The following ASIC2 variants were observed in gnomAD, a reference collection of about 807,000 sequenced individuals.
ASIC2 encodes acid-sensing ion channel 2.
In ASIC2, 25 loss-of-function variants were observed where a neutral mutation model predicts 57.3. That is an observed-to-expected ratio of 0.44 (90% CI 0.32 to 0.61). The LOEUF (loss-of-function observed/expected upper bound fraction) is 0.61. ASIC2 is among the 20% of genes least tolerant of loss of function. ASIC2 has a pLI of 0.06. For synonymous variants in ASIC2, 319 were observed against 307.5 expected (o/e 1.04, Z -0.39); for missense variants, 641 against 738.1 (o/e 0.87, Z 1.52).
chr17:33,833,598 T>C (rs1913183190), intron 1 of ASIC2, among the ~76,000 whole-genome samples: 1 of 152,084 alleles, frequency 6.6e-6, no homozygotes, highest in African/African-American at 2.4e-5. Context: ...AGGAATTGTG[T>C]ATCCCCCATC....
intron 1 of ASIC2, among the ~76,000 whole-genome samples, chr17:33,911,340 T>A (rs1237943586): frequency 4.6e-5 from 7 of 152,086 alleles, no homozygotes; most frequent in Admixed American, 4.6e-4. Flanking sequence ...ATGTCCAAGC[T>A]CAGGATGGGC....
chr17:33,541,445 T>C (rs1461982799), intron 1 of ASIC2: 1 of 152,132 alleles, frequency 6.6e-6, no homozygotes, highest in Non-Finnish European at 1.5e-5. Context: ...TGCTATATTA[T>C]AGCATCCAAA....
At chr17:33,599,633 G>C (rs1243126255) in intron 1 of ASIC2, among the ~76,000 whole-genome samples, 1 of 152,202 alleles carries the variant, frequency 6.6e-6, no homozygotes, top group East Asian at 1.9e-4. Flanking sequence ...GATGTGTAAA[G>C]TGAGGGACTG....
At chr17:33,678,053 C>CTATTTTTAAAAAAAAAAAA in intron 1 of ASIC2, among the ~76,000 whole-genome samples, 1 of 152,106 alleles carries the variant, frequency 6.6e-6, no homozygotes, top group Non-Finnish European at 1.5e-5. Context: ...TAAAAATTGC[C>CTATTTTTAAAAAAAAAAAA]ACAGTCCCCC....
intron 3 of ASIC2, among the ~76,000 whole-genome samples, chr17:33,042,326 CAA>C (rs1356904411): frequency 1.3e-5 from 2 of 152,126 alleles, no homozygotes; most frequent in Non-Finnish European, 2.9e-5. Context: ...CAAGAATAAG[CAA>C]AAGTCACTGT....
chr17:34,021,733 T>C (rs1004283147), intron 1 of ASIC2, among the ~76,000 whole-genome samples: 5 of 152,138 alleles, frequency 3.3e-5, no homozygotes, highest in Non-Finnish European at 5.9e-5. Context: ...CATAGGGACA[T>C]CTTAAAAATA....
intron 1 of ASIC2, among the ~76,000 whole-genome samples, chr17:33,869,868 C>T (rs1013775408): frequency 6.6e-6 from 1 of 152,200 alleles, no homozygotes; most frequent in Non-Finnish European, 1.5e-5. Context: ...GCACTGTGCA[C>T]TTTAAATGAG....
At chr17:33,651,332 G>A (rs779161987) in intron 1 of ASIC2, among the ~76,000 whole-genome samples, 10 of 152,140 alleles carry the variant, frequency 6.6e-5, no homozygotes, top group Non-Finnish European at 1.3e-4. Context: ...ATTCTGCAAC[G>A]TCTTGTGAGT....
intron 1 of ASIC2, among the ~76,000 whole-genome samples, chr17:33,892,468 T>A (rs12939307): frequency 2.2e-3 from 329 of 152,204 alleles, no homozygotes; most frequent in African/African-American, 7.6e-3. Context: ...AACCTCCTCA[T>A]CAGCTTTCAA....
At chr17:33,021,035 TG>T (rs1050967429) in intron 7 of ASIC2, among the ~76,000 whole-genome samples, 183 bp downstream of exon 7, 1 of 152,136 alleles carries the variant, frequency 6.6e-6, no homozygotes, top group Non-Finnish European at 1.5e-5. Flanking sequence ...ACCCCACTGC[TG>T]GGGTTCTTTC....
At chr17:33,741,480 C>T (rs920682523) in intron 1 of ASIC2, among the ~76,000 whole-genome samples, 1 of 152,128 alleles carries the variant, frequency 6.6e-6, no homozygotes, top group Non-Finnish European at 1.5e-5. Context: ...GGGCCTCTTC[C>T]CTGCTGGACT....
chr17:33,215,381 A>C (rs1457067979), intron 1 of ASIC2, among the ~76,000 whole-genome samples: 1 of 152,234 alleles, frequency 6.6e-6, no homozygotes, highest in South Asian at 2.1e-4. Context: ...CAGGATAAAG[A>C]AGTAGTAGAA....
chr17:33,806,447 C>A (rs367894671), intron 1 of ASIC2, among the ~76,000 whole-genome samples: 2 of 152,230 alleles, frequency 1.3e-5, no homozygotes, highest in South Asian at 4.1e-4. Flanking sequence ...GCTGGCTTGG[C>A]CTGTGGGCCA....
intron 1 of ASIC2, among the ~76,000 whole-genome samples, chr17:34,089,338 C>A (rs1910239956): frequency 6.6e-6 from 1 of 151,006 alleles, no homozygotes; most frequent in East Asian, 1.9e-4. Flanking sequence ...AAATGGTGAT[C>A]AAAAATGCAA....
chr17:33,292,066 G>C lies in ASIC2; in HGVS notation c.50C>G (p.Pro17Arg), dbSNP rs1044825739. ...CTCGCGGGCCATGCGGAAGCGTCCCGGGCCGGTGAGCGCGGCTGCGGGCAG... is the reference window on the plus strand; with the variant it reads ...CTCGCGGGCCATGCGGAAGCGTCCCCGGCCGGTGAGCGCGGCTGCGGGCAG... The part of the protein sequence containing the change: ...AGLPAAALTG[P>R]GRFRMAREEP... The change falls in exon 1 of 10, where the codon CCG becomes CGG. Residue 17 changes from proline to arginine, a missense_variant. Pro to Arg is a moderately radical substitution (Grantham distance 103, BLOSUM62 -2). Coordinates refer to ENST00000225823, the MANE Select transcript of ASIC2 (RefSeq NM_183377.2). 4.6e-6 allele frequency: 5 copies of C among 1,090,696 alleles called. No homozygotes were observed. Among genetic ancestry groups the C allele is most frequent in the African/African-American group, 1.7e-5 (1 of 59,114 alleles). 67.6% of individuals were successfully genotyped at this position (1,090,696 alleles called of 1,614,324 possible).
At chr17:33,180,271 G>C (rs1905926284) in intron 1 of ASIC2, among the ~76,000 whole-genome samples, 1 of 152,214 alleles carries the variant, frequency 6.6e-6, no homozygotes, top group African/African-American at 2.4e-5. Flanking sequence ...TCAGTTAAAG[G>C]AGGTAATTTG....
intron 1 of ASIC2, among the ~76,000 whole-genome samples, chr17:33,623,700 A>G (rs1905885220): frequency 1.3e-5 from 2 of 152,088 alleles, no homozygotes; most frequent in South Asian, 2.1e-4. Context: ...CCATTTCTCT[A>G]TCTGCCTTTG....
intron 1 of ASIC2, among the ~76,000 whole-genome samples, chr17:33,209,929 T>A (rs1907208976): frequency 6.6e-6 from 1 of 152,170 alleles, no homozygotes; most frequent in Non-Finnish European, 1.5e-5. Context: ...ATAAACTATG[T>A]CCAAATAGGG....
chr17:33,640,685 G>A (rs1324780406), intron 1 of ASIC2, among the ~76,000 whole-genome samples: 2 of 152,256 alleles, frequency 1.3e-5, no homozygotes, highest in African/African-American at 2.4e-5. Context: ...GTAGAAATGC[G>A]TGTCAATGTT....
Sources: allele counts gnomAD v4.1 joint callset (sites outside exome capture counted in the v4.1 genomes callset), GRCh38; gene constraint gnomAD v4.1.1; transcripts MANE v1.5; gene names NCBI Gene and HGNC (gene_info 2026-07-23, HGNC 2026-07-21).